The following SLC9A3 variants were observed in gnomAD, a reference collection of about 807,000 sequenced individuals.
SLC9A3 encodes the protein solute carrier family 9 member A3, also known as sodium/hydrogen exchanger 3.
In SLC9A3, 37 loss-of-function variants were observed where a neutral mutation model predicts 86.8. The ratio of observed to expected loss-of-function variants is 0.43; its 90% CI spans 0.33 to 0.56. The LOEUF (loss-of-function observed/expected upper bound fraction) is 0.56. Among genes scored for constraint, SLC9A3 ranks in the 20% least tolerant of loss-of-function variants. The pLI, the probability that SLC9A3 is intolerant of heterozygous loss-of-function variation, is 0.06. For missense variants in SLC9A3, 1,011 were observed against 1,171.9 expected (o/e 0.86, Z 2.00); for synonymous variants, 581 against 528.3 (o/e 1.10, Z -1.37).
chr5:492,662 G>T (rs534627126), intron 1 of SLC9A3, among the ~76,000 whole-genome samples: 103 of 151,732 alleles, frequency 6.8e-4, no homozygotes, highest in Non-Finnish European at 6.6e-4. Context: ...CGGTGGTCGG[G>T]GGGGGGCCTC....
chr5:476,546 C>T lies in SLC9A3; in HGVS notation c.1887G>A (p.Gln629=), dbSNP rs1237861288. The T allele has an allele frequency of 1.2e-5, 19 of 1,611,102 alleles. No homozygotes were observed. Among genetic ancestry groups the T allele is most frequent in the Non-Finnish European group, 1.6e-5 (19 of 1,179,676 alleles). Residue 629 remains glutamine (Q), a synonymous_variant, in exon 12 of 17, where the codon CAG becomes CAA. Transcript: ENST00000264938. ...GCCCCCAGCCCGCAGTGCCCACCTC[C>T]TGCCGCGGCTTGTACAGGTACTGCT... ...TLQQYLYKPR[Q]EYKHLYSRHE...
In SLC9A3 at chr5:471,980, G is replaced by GT. The variant is rs1307238749; in HGVS notation, c.*1398dup. On this transcript the variant is annotated 3_prime_UTR_variant, in exon 17 of 17. Coordinates refer to ENST00000264938, the MANE Select transcript of SLC9A3 (RefSeq NM_004174.4). ...CAACACTTGATCTGAAACGTGAATA[G>GT]TTTAATTTTCCTGAGCAAGGAGCTG... 4.4e-6 allele frequency: 2 copies of GT among 456,528 alleles called. No homozygotes were observed. The highest frequency in any genetic ancestry group is 2.3e-5 in the Admixed American group (1 of 42,568). The allele number at this position is 456,528 out of a possible 1,614,324, so 28.3% of individuals were successfully genotyped here.
chr5:507,893 TCACCCCACAGACGCCCGAATCCC>T (rs1560971738), intron 1 of SLC9A3, among the ~76,000 whole-genome samples: 4 of 22,378 alleles, frequency 1.8e-4, no homozygotes, highest in Non-Finnish European at 3.2e-4. Flanking sequence ...GCCCGAATCC[TCACCCCACAGACGCCCGAATCCC>T]CACCCCACAG....
chr5:476,154 C>G (rs1266881343), intron 13 of SLC9A3, 48 bp downstream of exon 13: 1 of 1,612,182 alleles, frequency 6.2e-7, no homozygotes, highest in African/African-American at 1.3e-5. Flanking sequence ...CTGACTGCCC[C>G]CGCTCCAGGC....
chr5:519,588 G>T (rs939432741), intron 1 of SLC9A3, among the ~76,000 whole-genome samples: 1 of 152,196 alleles, frequency 6.6e-6, no homozygotes, highest in South Asian at 2.1e-4. Context: ...CCTGGGACAC[G>T]CTGGGTAAGA....
chr5:509,369 G>A (rs1368670312), intron 1 of SLC9A3, among the ~76,000 whole-genome samples: 1 of 151,416 alleles, frequency 6.6e-6, no homozygotes, highest in African/African-American at 2.4e-5. Flanking sequence ...CATAAGAATC[G>A]CTTGAAGCCA....
chr5:488,196 G>T, intron 3 of SLC9A3, 120 bp downstream of exon 3: 4 of 1,133,594 alleles, frequency 3.5e-6, no homozygotes, highest in South Asian at 1.4e-5. Context: ...GGACGCCCCC[G>T]GGAGGGGAGT....
At chr5:503,849 T>G (rs2126642402) in intron 1 of SLC9A3, among the ~76,000 whole-genome samples, 1 of 152,338 alleles carries the variant, frequency 6.6e-6, no homozygotes, top group Middle Eastern at 3.4e-3. Context: ...CATCCACGGC[T>G]GTGGTTTCTC....
At chr5:521,814 G>A (rs907928728) in intron 1 of SLC9A3, among the ~76,000 whole-genome samples, 11 of 152,190 alleles carry the variant, frequency 7.2e-5, no homozygotes, top group African/African-American at 2.7e-4. Context: ...TGCACAAGGA[G>A]GACGGTCTGG....
At chr5:510,496 G>A (rs943135428) in intron 1 of SLC9A3, among the ~76,000 whole-genome samples, 8 of 152,206 alleles carry the variant, frequency 5.3e-5, no homozygotes, top group African/African-American at 1.9e-4. Context: ...GTGGGCAGGG[G>A]CTGCTGTTTT....
rs999281240 is a variant in SLC9A3 at position 491,216 on chromosome 5, G to A, written c.514+553C>T. Among the ~76,000 whole-genome samples the A allele has an allele frequency of 3.3e-5, 5 of 152,288 alleles. No individual in the cohort carries two copies. The highest frequency in any genetic ancestry group is 2.0e-4 in the Admixed American group (3 of 15,302). On this transcript the variant is annotated intron_variant, in intron 2 of 16. Transcript: ENST00000264938. This position sits in a 1 kb window ranked among gnomAD's most constrained non-coding sequence, Gnocchi z 9.2. ...AAGCTGTAGCATCCCCGGCAGCAGCGGCGGGCATCAGGGCTGCACCGCACC... is the reference window on the plus strand; with the variant it reads ...AAGCTGTAGCATCCCCGGCAGCAGCAGCGGGCATCAGGGCTGCACCGCACC...
rs1406350252 is a variant in SLC9A3 at position 491,918 on chromosome 5, G to T, written c.365C>A (p.Pro122His). Residue 122 changes from proline (P) to histidine (H), a missense_variant, in exon 2 of 17, where the codon CCC (proline) becomes CAC (histidine). Pro to His is a moderately conservative substitution (Grantham distance 77). Transcript: ENST00000264938. The surrounding 1 kb of genome is among the most constrained non-coding windows in gnomAD (Gnocchi z 9.2). The stretch of plus-strand genomic sequence containing the variant: ...GAAGTAGCCGGCGTCCAGCACGATG[G>T]GGGGCAGCAGGTAGAAGAAGAAGAC... Reference protein sequence around the residue: ...PTVFFFYLLPPIVLDAGYFMP... With the variant: ...PTVFFFYLLPHIVLDAGYFMP... 1 of 1,611,820 alleles carries T rather than the reference G, an allele frequency of 6.2e-7. No homozygotes were observed. Among genetic ancestry groups the T allele is most frequent in the Non-Finnish European group, 8.5e-7 (1 of 1,179,554 alleles).
intron 11 of SLC9A3, among the ~76,000 whole-genome samples, 178 bp from the exon 12 acceptor site, chr5:476,850 C>G (rs1738775955): frequency 6.6e-6 from 1 of 152,238 alleles, no homozygotes; most frequent in Non-Finnish European, 1.5e-5. Context: ...GCCCCTTCTC[C>G]CCTCGGGGCT....
chr5:508,689 C>T (rs1019133427), intron 1 of SLC9A3, among the ~76,000 whole-genome samples: 3 of 152,252 alleles, frequency 2.0e-5, no homozygotes, highest in Non-Finnish European at 4.4e-5. Context: ...CAGGGAGACG[C>T]AGGCCTCAGC....
At chr5:494,835 G>A (rs549750761) in intron 1 of SLC9A3, among the ~76,000 whole-genome samples, 33 of 152,294 alleles carry the variant, frequency 2.2e-4, no homozygotes, top group African/African-American at 7.0e-4. Flanking sequence ...CTGCCCAGCC[G>A]CTGGCAAGAC....
At position 481,553 on chromosome 5, in the gene SLC9A3, C is replaced by G; in HGVS notation, c.1517+12G>C. ...GCTGTGCGACACCGCCGGGGCCGTC[C>G]CAGCCACTTACTTGTCTCTGAGATA... On this transcript the variant is annotated intron_variant, in intron 9 of 16. Coordinates refer to ENST00000264938, the MANE Select transcript of SLC9A3 (RefSeq NM_004174.4). 1 of 1,610,630 alleles carries G rather than the reference C, an allele frequency of 6.2e-7. No homozygotes were observed. The highest frequency in any genetic ancestry group is 8.5e-7 in the Non-Finnish European group (1 of 1,176,914).
At chr5:501,346 A>C (rs1235423410) in intron 1 of SLC9A3, among the ~76,000 whole-genome samples, 1 of 152,228 alleles carries the variant, frequency 6.6e-6, no homozygotes, top group Non-Finnish European at 1.5e-5. Flanking sequence ...GTCCACAAAA[A>C]TGCAACAGCG....
chr5:485,413 A>C (rs1045776540), intron 3 of SLC9A3, among the ~76,000 whole-genome samples, 182 bp from the exon 4 acceptor site: 2 of 152,242 alleles, frequency 1.3e-5, no homozygotes, highest in African/African-American at 2.4e-5. Context: ...GCAGCCAGCA[A>C]GACATGGGGC....
intron 1 of SLC9A3, among the ~76,000 whole-genome samples, chr5:502,049 C>A (rs180822364): frequency 6.6e-6 from 1 of 152,256 alleles, no homozygotes; most frequent in Admixed American, 6.5e-5. Flanking sequence ...AGTCACAAGG[C>A]GTTTTACACA....
Sources: gnomAD v4.1 joint callset for allele counts (sites outside exome capture counted in the v4.1 genomes callset) on GRCh38, gnomAD v4.1.1 for gene constraint, Gnocchi (gnomAD v3.1) non-coding constraint, MANE v1.5 for transcripts, NCBI Gene and HGNC (gene_info 2026-07-23, HGNC 2026-07-21) for gene names.